CD200R1L: variants seen among roughly 807,000 people sequenced by gnomAD.
The protein encoded by CD200R1L is CD200 receptor 1 like.
Under a neutral mutation model 24.8 loss-of-function variants are expected in CD200R1L, and 14 were observed. That is an observed-to-expected ratio of 0.56 (90% CI 0.37 to 0.88). The LOEUF (loss-of-function observed/expected upper bound fraction) is 0.88. Ranked by LOEUF, CD200R1L falls within the 40% of genes least tolerant of loss-of-function variation. CD200R1L has a pLI of 0.00. For missense variants in CD200R1L, 299 were observed against 297.8 expected, an observed-to-expected ratio of 1.00 and a Z score of -0.03; for synonymous variants, 111 against 109.2, an observed-to-expected ratio of 1.02 and a Z score of -0.11.
At chr3:112,837,870 G>T in intron 3 of CD200R1L, 72 bp downstream of exon 3, 1 of 521,256 alleles carries the variant, frequency 1.9e-6, no homozygotes. Context: ...CAGGACAAAT[G>T]ATCATGTAAA....
intron 7 of CD200R1L, among the ~76,000 whole-genome samples, chr3:112,819,145 A>T (rs112047745): frequency 6.6e-6 from 1 of 152,156 alleles, no homozygotes. Flanking sequence ...TCACAAGAAC[A>T]TCATGGGGGA....
intron 3 of CD200R1L, among the ~76,000 whole-genome samples, chr3:112,832,194 A>G (rs1430572020): frequency 2.0e-5 from 3 of 152,210 alleles, no homozygotes; most frequent in Non-Finnish European, 2.9e-5. Context: ...TTATTTGAAT[A>G]CTAATCTGAA....
intron 6 of CD200R1L, among the ~76,000 whole-genome samples, chr3:112,821,930 G>A (rs545275532): frequency 6.6e-6 from 1 of 152,284 alleles, no homozygotes; most frequent in Admixed American, 6.5e-5. Flanking sequence ...GACTTTTCAA[G>A]ATAAAGAACT....
At chr3:112,829,480 T>C (rs1410621677) in intron 3 of CD200R1L, 96 bp from the exon 4 acceptor site, 26 of 1,331,286 alleles carry the variant, frequency 2.0e-5, no homozygotes, top group Middle Eastern at 3.7e-4. Context: ...ATGAAGACAA[T>C]TAGTTAACCA....
chr3:112,818,101 G>A (rs1010670928), intron 7 of CD200R1L, among the ~76,000 whole-genome samples: 4 of 152,142 alleles, frequency 2.6e-5, no homozygotes, highest in African/African-American at 9.7e-5. Flanking sequence ...AGAATTCTGG[G>A]AGATACAATT....
At chr3:112,833,102 A>T (rs1938851423) in intron 3 of CD200R1L, among the ~76,000 whole-genome samples, 1 of 152,204 alleles carries the variant, frequency 6.6e-6, no homozygotes, top group African/African-American at 2.4e-5. Flanking sequence ...TCCCCTCTCG[A>T]AAAAAGGACA....
chr3:112,831,146 G>A (rs771131109), intron 3 of CD200R1L, among the ~76,000 whole-genome samples: 25 of 151,874 alleles, frequency 1.6e-4, no homozygotes, highest in East Asian at 9.7e-4. Context: ...ATGGCATAAC[G>A]TTTAATTTCT....
At chr3:112,836,555 C>T (rs1324103052) in intron 3 of CD200R1L, among the ~76,000 whole-genome samples, 1 of 152,226 alleles carries the variant, frequency 6.6e-6, no homozygotes, top group Non-Finnish European at 1.5e-5. Flanking sequence ...GCTTAAGACT[C>T]AGTCTTGCTG....
At chr3:112,823,742 A>G (rs948719065) in intron 6 of CD200R1L, among the ~76,000 whole-genome samples, 2 of 152,336 alleles carry the variant, frequency 1.3e-5, no homozygotes, top group East Asian at 3.9e-4. Flanking sequence ...GAAGTCTTAA[A>G]ACTTCAACAG....
chr3:112,839,060 TAC>T (rs986922661), intron 2 of CD200R1L, among the ~76,000 whole-genome samples: 3 of 151,358 alleles, frequency 2.0e-5, no homozygotes, highest in Non-Finnish European at 4.4e-5. Context: ...CACACACACA[TAC>T]ACACACACAC....
chr3:112,838,114 C>T, intron 2 of CD200R1L, 104 bp from the exon 3 acceptor site: 1 of 314,366 alleles, frequency 3.2e-6, no homozygotes, highest in South Asian at 3.4e-5. Context: ...CAGAAAACAA[C>T]ATTTCAATTC....
intron 4 of CD200R1L, among the ~76,000 whole-genome samples, chr3:112,828,202 A>G (rs1290984289): frequency 6.6e-6 from 1 of 152,220 alleles, no homozygotes; most frequent in African/African-American, 2.4e-5. Context: ...TAAGGTTGTT[A>G]TTTCAGACAA....
At chr3:112,840,838 A>G (rs1939060937) in intron 2 of CD200R1L, among the ~76,000 whole-genome samples, 1 of 152,196 alleles carries the variant, frequency 6.6e-6, no homozygotes, top group Admixed American at 6.5e-5. Flanking sequence ...CTTCCTGGAA[A>G]AAATATGCTG....
intron 7 of CD200R1L, chr3:112,818,866 TAA>T (rs1938461070): frequency 6.5e-6 from 1 of 154,430 alleles, no homozygotes; most frequent in African/African-American, 2.4e-5. Flanking sequence ...CACTGTATGC[TAA>T]GAGTCTGAAA....
intron 4 of CD200R1L, 82 bp from the exon 5 acceptor site, chr3:112,827,766 A>T (rs1164567483): frequency 7.7e-7 from 1 of 1,299,308 alleles, no homozygotes; most frequent in African/African-American, 1.5e-5. Flanking sequence ...AGTATATTAC[A>T]TGAAGTTTTA....
intron 3 of CD200R1L, among the ~76,000 whole-genome samples, chr3:112,835,955 CTG>C (rs1938932469): frequency 1.3e-5 from 2 of 152,250 alleles, no homozygotes; most frequent in Admixed American, 6.5e-5. Flanking sequence ...CACCCCCTCT[CTG>C]TGTTTTCCCC....
intron 2 of CD200R1L, among the ~76,000 whole-genome samples, chr3:112,840,832 CT>C (rs1315824205): frequency 1.3e-5 from 2 of 152,154 alleles, no homozygotes; most frequent in South Asian, 2.1e-4. Context: ...TCATTTCTTC[CT>C]GGAAAAAATA....
intron 3 of CD200R1L, among the ~76,000 whole-genome samples, chr3:112,835,765 C>T (rs1366733876): frequency 6.6e-6 from 1 of 152,214 alleles, no homozygotes; most frequent in Non-Finnish European, 1.5e-5. Flanking sequence ...CTTATTGGTG[C>T]CCAAAGTCTG....
chr3:112,843,307 C>T (rs558062867), intron 2 of CD200R1L, among the ~76,000 whole-genome samples: 88 of 152,256 alleles, frequency 5.8e-4, no homozygotes, highest in Non-Finnish European at 1.1e-3. Flanking sequence ...ATCTTAAAAA[C>T]AGCTGGAGAA....
Sources: allele counts gnomAD v4.1 joint callset (sites outside exome capture counted in the v4.1 genomes callset), GRCh38; gene constraint gnomAD v4.1.1; transcripts MANE v1.5; gene names NCBI Gene and HGNC (gene_info 2026-07-23, HGNC 2026-07-21).